The following EGFR variants were observed in gnomAD, a reference collection of about 807,000 sequenced individuals.
EGFR encodes epidermal growth factor receptor.
In EGFR, 58 loss-of-function variants were observed where a neutral mutation model predicts 143.0. The observed-to-expected ratio is 0.41, with a 90% CI of 0.33 to 0.50. EGFR has a LOEUF of 0.50. Ranked by LOEUF, EGFR falls within the 20% of genes least tolerant of loss-of-function variation. The pLI is 0.39. For synonymous variants in EGFR, 613 were observed against 594.4 expected, an observed-to-expected ratio of 1.03 and a Z score of -0.45; for missense variants, 1,307 against 1,579.0, an observed-to-expected ratio of 0.83 and a Z score of 2.92.
intron 20 of EGFR, among the ~76,000 whole-genome samples, chr7:55,188,559 T>C (rs577165672): frequency 6.6e-6 from 1 of 152,280 alleles, no homozygotes; most frequent in African/African-American, 2.4e-5. Context: ...TATTTTAATT[T>C]CAATTAAAGT....
intron 20 of EGFR, chr7:55,181,921 A>C (rs141035135): frequency 1.7e-4 from 46 of 276,676 alleles, no homozygotes; most frequent in African/African-American, 9.5e-4. Flanking sequence ...CCCAGTGAGG[A>C]GGTGCAAGGA....
intron 16 of EGFR, among the ~76,000 whole-genome samples, chr7:55,172,112 A>G (rs1320305834): frequency 6.6e-6 from 1 of 152,068 alleles, no homozygotes; most frequent in African/African-American, 2.4e-5. Flanking sequence ...CTGCAATCTC[A>G]GGGATCTTAG....
intron 1 of EGFR, among the ~76,000 whole-genome samples, chr7:55,102,713 T>C (rs1791899061): frequency 6.6e-6 from 1 of 152,238 alleles, no homozygotes; most frequent in Non-Finnish European, 1.5e-5. Context: ...ATATACCACA[T>C]GTATAATGTG....
In EGFR at chr7:55,098,303, G is replaced by T. The variant is rs34287931; in HGVS notation, c.89-43983G>T. ...TTCGGCAGCCAGGACTGGCAGGGAT[G>T]GGGCTAGGGGGACTGGGGAGAACTG... On this transcript the variant is annotated intron_variant, in intron 1 of 27. Transcript: ENST00000275493. Among the ~76,000 whole-genome samples, 204 of 152,268 alleles carry T rather than the reference G, an allele frequency of 1.3e-3. 1 individual carries two copies. The highest frequency in any genetic ancestry group is 2.6e-3 in the Non-Finnish European group (174 of 68,018).
Position 55,058,783 on chromosome 7 carries a change from A to C in EGFR, c.88+39418A>C, listed in dbSNP as rs573038305. 1.7e-4 allele frequency among the ~76,000 whole-genome samples: 26 copies of C among 152,284 alleles called. 1 individual carries two copies. The South Asian group carries it at 5.4e-3, about 32-fold the overall frequency. On this transcript the variant is annotated intron_variant, in intron 1 of 27. Coordinates refer to ENST00000275493, the MANE Select transcript of EGFR (RefSeq NM_005228.5). ...AAAATAATCTGTACAACAAACTACT[A>C]TGACACAAGTTTACCTGTTTAACAT...
At chr7:55,061,017 G>A (rs892685031) in intron 1 of EGFR, among the ~76,000 whole-genome samples, 2 of 152,228 alleles carry the variant, frequency 1.3e-5, no homozygotes, top group Admixed American at 1.3e-4. Flanking sequence ...CGCATGTTGG[G>A]AGATGCTCCT....
chr7:55,169,450 A>T (rs1407399192), intron 15 of EGFR, among the ~76,000 whole-genome samples: 1 of 152,198 alleles, frequency 6.6e-6, no homozygotes, highest in Non-Finnish European at 1.5e-5. Context: ...GGTGAGGAGA[A>T]AGTTGCTTTG....
Position 55,202,603 on chromosome 7 carries a change from C to T in EGFR, c.3249C>T (p.Asp1083=), listed in dbSNP as rs373990043. ...GCGCCTTGACTGAGGACAGCATAGA[C>T]GACACCTTCCTCCCAGTGCCTGGTG... The part of the protein sequence containing the change: ...PTGALTEDSI[D]DTFLPVPEYI... The change falls in exon 27 of 28, where the codon GAC becomes GAT. Residue 1083 remains aspartate, a synonymous_variant. Transcript: ENST00000275493. 3.8e-5 allele frequency: 61 copies of T among 1,613,248 alleles called. No individual in the cohort carries two copies. Among genetic ancestry groups the T allele is most frequent in the East Asian group, 1.3e-4 (6 of 44,842 alleles).
rs542440761 is a variant in EGFR at position 55,067,575 on chromosome 7, C to T, written c.88+48210C>T. On this transcript the variant is annotated intron_variant, in intron 1 of 27. Transcript: ENST00000275493. Reference sequence around the variant, plus strand: ...ACTACTGTAACCATTTTTAAGTGTACGGTTCAGTAGTGTTAAGTATATTCA... The same window carrying T: ...ACTACTGTAACCATTTTTAAGTGTATGGTTCAGTAGTGTTAAGTATATTCA... Among the ~76,000 whole-genome samples the T allele has an allele frequency of 9.2e-5, 14 of 151,528 alleles. 1 individual carries two copies. Among genetic ancestry groups the T allele is most frequent in the African/African-American group, 3.2e-4 (13 of 40,834 alleles).
chr7:55,122,273 TC>T (rs1434873697), intron 1 of EGFR, among the ~76,000 whole-genome samples: 1 of 152,182 alleles, frequency 6.6e-6, no homozygotes, highest in East Asian at 1.9e-4. Context: ...ACCTGGCAGC[TC>T]CCATCTGGTC....
At chr7:55,021,471 A>G (rs553065364) in intron 1 of EGFR, among the ~76,000 whole-genome samples, 2 of 152,264 alleles carry the variant, frequency 1.3e-5, no homozygotes, top group Non-Finnish European at 2.9e-5. Context: ...TGAGAAAAAT[A>G]TAAATACCAC....
At chr7:55,203,336 TAC>T (rs1302358794) in intron 27 of EGFR, among the ~76,000 whole-genome samples, 1 of 125,502 alleles carries the variant, frequency 8.0e-6, no homozygotes, top group Non-Finnish European at 1.6e-5. Context: ...CACACACGTA[TAC>T]ACACATATAT....
At chr7:55,019,938 G>A (rs1009003336) in intron 1 of EGFR, among the ~76,000 whole-genome samples, 6 of 152,196 alleles carry the variant, frequency 3.9e-5, no homozygotes, top group African/African-American at 1.4e-4. Flanking sequence ...CGCCCTCCGC[G>A]CAGGTCTCAA....
chr7:55,205,584 C>T lies in EGFR; in HGVS notation c.3600C>T (p.Val1200=), dbSNP rs776176376. The T allele has an allele frequency of 3.0e-5, 48 of 1,614,008 alleles. No individual in the cohort carries two copies. Among genetic ancestry groups the T allele is most frequent in the Admixed American group, 1.3e-4 (8 of 59,994 alleles). Residue 1200 remains valine (V), a synonymous_variant, in exon 28 of 28, where the codon GTC becomes GTT. Transcript: ENST00000275493. ...STAENAEYLR[V]APQSSEFIGA ...CTGAAAATGCAGAATACCTAAGGGT[C>T]GCGCCACAAAGCAGTGAATTTATTG... is the stretch of plus-strand genomic sequence containing the variant.
In EGFR at chr7:55,019,237, A is replaced by C; in HGVS notation, c.-41A>C. ...GCACGGCCCCCTGACTCCGTCCAGT[A>C]TTGATCGGGAGAGCCGGAGCGAGCT... On this transcript the variant is annotated 5_prime_UTR_variant, in exon 1 of 28. Transcript: ENST00000275493. 7.0e-7 allele frequency: 1 copy of C among 1,428,066 alleles called. No individual in the cohort carries two copies. The highest frequency in any genetic ancestry group is 9.3e-7 in the Non-Finnish European group (1 of 1,070,678). 88.5% of individuals were successfully genotyped at this position (1,428,066 alleles called of 1,614,324 possible).
chr7:55,072,172 T>C (rs1340597335), intron 1 of EGFR, among the ~76,000 whole-genome samples: 1 of 151,186 alleles, frequency 6.6e-6, no homozygotes, highest in Non-Finnish European at 1.5e-5. Context: ...CAAGTTCAAA[T>C]GCAAACTTAA....
chr7:55,177,850 G>A (rs1318643403), intron 19 of EGFR, among the ~76,000 whole-genome samples: 1 of 152,226 alleles, frequency 6.6e-6, no homozygotes, highest in Non-Finnish European at 1.5e-5. Context: ...CTTGCTGTAG[G>A]TCACGGTGCA....
At chr7:55,133,034 T>A (rs1793944025) in intron 1 of EGFR, among the ~76,000 whole-genome samples, 1 of 152,158 alleles carries the variant, frequency 6.6e-6, no homozygotes, top group South Asian at 2.1e-4. Flanking sequence ...AATAAACAGC[T>A]TCATATGGGA....
intron 1 of EGFR, among the ~76,000 whole-genome samples, chr7:55,026,807 GA>G (rs1222718353): frequency 6.6e-6 from 1 of 151,140 alleles, no homozygotes; most frequent in Non-Finnish European, 1.5e-5. Flanking sequence ...AAGCGCTCTT[GA>G]CCAAAATTCA....
Sources: gnomAD v4.1 joint callset for allele counts (sites outside exome capture counted in the v4.1 genomes callset) on GRCh38, gnomAD v4.1.1 for gene constraint, MANE v1.5 for transcripts, NCBI Gene and HGNC (gene_info 2026-07-23, HGNC 2026-07-21) for gene names.